The following RPGRIP1L variants were observed in gnomAD, a reference collection of about 807,000 sequenced individuals.
RPGRIP1L encodes RPGRIP1 like, also known as protein fantom.
RPGRIP1L carries 131 observed loss-of-function variants against 160.4 expected under a neutral mutation model. The observed-to-expected ratio is 0.82, with a 90% CI of 0.71 to 0.94. The LOEUF (loss-of-function observed/expected upper bound fraction) is 0.94. Among genes scored for constraint, RPGRIP1L ranks in the 40% least tolerant of loss-of-function variants. The pLI is 0.00. For missense variants in RPGRIP1L, 1,522 were observed against 1,535.8 expected, an observed-to-expected ratio of 0.99 and a Z score of 0.15; for synonymous variants, 510 against 515.8, an observed-to-expected ratio of 0.99 and a Z score of 0.15.
chr16:53,624,917 C>CA (rs1269300630), intron 22 of RPGRIP1L, among the ~76,000 whole-genome samples: 2 of 152,112 alleles, frequency 1.3e-5, no homozygotes, highest in African/African-American at 4.8e-5. Context: ...AGGCGTGCGC[C>CA]ACCACGCCTG....
intron 19 of RPGRIP1L, among the ~76,000 whole-genome samples, 159 bp downstream of exon 19, chr16:53,640,874 T>C (rs1298515909): frequency 6.6e-6 from 1 of 152,108 alleles, no homozygotes; most frequent in African/African-American, 2.4e-5. Context: ...CAGTTAACAC[T>C]TATATATAGT....
intron 9 of RPGRIP1L, among the ~76,000 whole-genome samples, chr16:53,667,194 G>A (rs2151211235): frequency 6.6e-6 from 1 of 152,284 alleles, no homozygotes; most frequent in African/African-American, 2.4e-5. Flanking sequence ...TTGCAGGACT[G>A]ATCAAATGTC....
At chr16:53,702,073 A>AATG (rs570084871) in intron 1 of RPGRIP1L, among the ~76,000 whole-genome samples, 74 of 152,124 alleles carry the variant, frequency 4.9e-4, no homozygotes, top group Admixed American at 2.4e-3. Flanking sequence ...TAAAAATAAT[A>AATG]ATGATGATGA....
At chr16:53,639,742 T>C (rs867109887) in intron 19 of RPGRIP1L, among the ~76,000 whole-genome samples, 89 of 152,132 alleles carry the variant, frequency 5.9e-4, no homozygotes, top group African/African-American at 2.0e-3. Flanking sequence ...CATAGGGTTG[T>C]TGTGAGGATT....
At chr16:53,652,479 C>T (rs545231288) in intron 15 of RPGRIP1L, 56 bp downstream of exon 15, 75 of 1,343,328 alleles carry the variant, frequency 5.6e-5, no homozygotes, top group African/African-American at 2.3e-4. Flanking sequence ...AGTACCATAA[C>T]GATATATAAA....
At chr16:53,686,305 A>C (rs985805237) in intron 6 of RPGRIP1L, 128 bp downstream of exon 6, 7 of 1,029,664 alleles carry the variant, frequency 6.8e-6, no homozygotes, top group East Asian at 5.2e-5. Flanking sequence ...GCATAGGCTT[A>C]TATGAAGAAT....
At chr16:53,660,545 A>C (rs1967686140) in intron 10 of RPGRIP1L, among the ~76,000 whole-genome samples, 1 of 151,570 alleles carries the variant, frequency 6.6e-6, no homozygotes, top group Non-Finnish European at 1.5e-5. Context: ...GCAGTCTAAA[A>C]AGTAAAAAAA....
chr16:53,626,123 A>G (rs1464575889), intron 22 of RPGRIP1L, among the ~76,000 whole-genome samples: 1 of 145,426 alleles, frequency 6.9e-6, no homozygotes, highest in Non-Finnish European at 1.5e-5. Flanking sequence ...CCGAGAAACA[A>G]CCAAGAATGA....
intron 26 of RPGRIP1L, among the ~76,000 whole-genome samples, chr16:53,604,296 A>G (rs1018886680): frequency 6.6e-6 from 1 of 152,260 alleles, no homozygotes; most frequent in Non-Finnish European, 1.5e-5. Context: ...CAGCTTGACA[A>G]TGAACCAGGG....
At chr16:53,633,016 C>A (rs1246302498) in intron 22 of RPGRIP1L, among the ~76,000 whole-genome samples, 1 of 152,126 alleles carries the variant, frequency 6.6e-6, no homozygotes, top group Non-Finnish European at 1.5e-5. Flanking sequence ...TTTATGCCTG[C>A]CTGACACACG....
At chr16:53,665,179 G>A (rs142657410) in intron 9 of RPGRIP1L, among the ~76,000 whole-genome samples, 170 bp from the exon 10 acceptor site, 5 of 152,246 alleles carry the variant, frequency 3.3e-5, no homozygotes, top group East Asian at 3.9e-4. Context: ...CTCAGGCTGC[G>A]GTTAGGGAAC....
chr16:53,609,191 C>T (rs9923447), intron 25 of RPGRIP1L, among the ~76,000 whole-genome samples: 50,467 of 152,004 alleles, frequency 0.33, 10,452 homozygotes, highest in African/African-American at 0.59. Context: ...TGGGCTCAAG[C>T]GGTCCTTCCT....
At chr16:53,624,224 T>C (rs368265628) in intron 22 of RPGRIP1L, among the ~76,000 whole-genome samples, 35 of 152,306 alleles carry the variant, frequency 2.3e-4, no homozygotes, top group African/African-American at 7.9e-4. Flanking sequence ...CAGAACTATG[T>C]GAAGCTGCAG....
chr16:53,664,765 G>T, intron 10 of RPGRIP1L, 105 bp downstream of exon 10: 1 of 1,257,580 alleles, frequency 8.0e-7, no homozygotes, highest in Non-Finnish European at 1.1e-6. Flanking sequence ...CTCATACATT[G>T]CGGGGATACT....
chr16:53,643,397 T>C (rs1320151846), intron 17 of RPGRIP1L, among the ~76,000 whole-genome samples: 1 of 151,726 alleles, frequency 6.6e-6, no homozygotes, highest in East Asian at 1.9e-4. Context: ...CAAAACTGTG[T>C]AAATGCTCAG....
intron 6 of RPGRIP1L, among the ~76,000 whole-genome samples, chr16:53,684,769 A>T (rs1031712722): frequency 3.3e-5 from 5 of 151,914 alleles, no homozygotes; most frequent in South Asian, 2.1e-4. Context: ...AAAAAAAGAA[A>T]ACCTAGGTGA....
intron 7 of RPGRIP1L, among the ~76,000 whole-genome samples, chr16:53,673,550 C>G (rs376033654): frequency 5.3e-5 from 8 of 152,070 alleles, no homozygotes; most frequent in Admixed American, 2.6e-4. Flanking sequence ...CTATTTATGA[C>G]CATGCTGTAA....
chr16:53,650,064 T>C (rs1598323687), intron 15 of RPGRIP1L, among the ~76,000 whole-genome samples: 1 of 151,858 alleles, frequency 6.6e-6, no homozygotes, highest in African/African-American at 2.4e-5. Flanking sequence ...CAAATGTGAC[T>C]TACTATCTGC....
chr16:53,603,422 A>C (rs998536684), intron 26 of RPGRIP1L, among the ~76,000 whole-genome samples: 2 of 152,172 alleles, frequency 1.3e-5, no homozygotes, highest in Non-Finnish European at 2.9e-5. Context: ...TCTGCCTCCA[A>C]GGGTCAAGCC....
Sources: allele counts gnomAD v4.1 joint callset (sites outside exome capture counted in the v4.1 genomes callset), GRCh38; gene constraint gnomAD v4.1.1; transcripts MANE v1.5; gene names NCBI Gene and HGNC (gene_info 2026-07-23, HGNC 2026-07-21).